The following RRP36 variants were observed in gnomAD, a reference collection of about 807,000 sequenced individuals.
The protein encoded by RRP36 is ribosomal RNA processing protein 36 homolog.
In RRP36, 44 loss-of-function variants were observed where a neutral mutation model predicts 39.8. The observed-to-expected ratio is 1.10, with a 90% CI of 0.87 to 1.42. RRP36 has a LOEUF of 1.42. RRP36 is among the 40% of genes most tolerant of loss of function. RRP36 has a pLI of 0.00. For synonymous variants in RRP36, 124 were observed against 123.1 expected (o/e 1.01, Z -0.05); for missense variants, 316 against 322.4 (o/e 0.98, Z 0.15).
In RRP36 at chr6:43,025,146, G is replaced by T. The variant is rs1373495664; in HGVS notation, c.278+14G>T. The T allele has an allele frequency of 2.5e-6, 4 of 1,613,704 alleles. No homozygotes were observed. The highest frequency in any genetic ancestry group is 3.4e-6 in the Non-Finnish European group (4 of 1,179,798). On this transcript the variant is annotated intron_variant, in intron 2 of 6. Transcript: ENST00000244496. ...AGATAAGCACAGGTAAGCAAGGCTT[G>T]CCCTAGAAGTTGGAAGATAACTGGG...
intron 3 of RRP36, 62 bp downstream of exon 3, chr6:43,025,391 G>A (rs1762794665): frequency 1.4e-6 from 2 of 1,468,362 alleles, no homozygotes; most frequent in Non-Finnish European, 1.9e-6. Context: ...GGGAGCCCGA[G>A]GTGGGCGATC....
rs747486612 is a variant in RRP36 at position 43,026,144 on chromosome 6, A to G, written c.450+3A>G. 1 of 1,607,654 alleles carries G rather than the reference A, an allele frequency of 6.2e-7. No individual in the cohort carries two copies. Among genetic ancestry groups the G allele is most frequent in the South Asian group, 1.1e-5 (1 of 90,944 alleles). On this transcript the variant is annotated splice_donor_region_variant and intron_variant, in intron 4 of 6. Coordinates refer to ENST00000244496, the MANE Select transcript of RRP36 (RefSeq NM_033112.4). ...ACATCCGAGCGAAAGAGAAAGAGGT[A>G]TACAGCTTGAGACTGGTTTATGGGG...
At chr6:43,022,378 G>A (rs1300845910) in intron 1 of RRP36, among the ~76,000 whole-genome samples, 2 of 151,968 alleles carry the variant, frequency 1.3e-5, no homozygotes, top group Non-Finnish European at 2.9e-5. Context: ...GATTCCAGGC[G>A]TGAGCCACTG....
Position 43,025,186 on chromosome 6 carries a change from T to C in RRP36, c.278+54T>C, listed in dbSNP as rs45492498. ...AGATAACTGGGACCTTGAATAGGTATGTTGTCTTGGGTGACAGGTGGGAAG... is the reference window on the plus strand; with the variant it reads ...AGATAACTGGGACCTTGAATAGGTACGTTGTCTTGGGTGACAGGTGGGAAG... On this transcript the variant is annotated intron_variant, in intron 2 of 6. Transcript: ENST00000244496. The C allele has an allele frequency of 9.7e-4, 1,564 of 1,612,896 alleles. 1 individual carries two copies. The highest frequency in any genetic ancestry group is 2.1e-3 in the Admixed American group (128 of 59,970).
At chr6:43,025,156 T>G in intron 2 of RRP36, 24 bp downstream of exon 2, 2 of 1,613,574 alleles carry the variant, frequency 1.2e-6, no homozygotes, top group Non-Finnish European at 1.7e-6. Flanking sequence ...GCCCTAGAAG[T>G]TGGAAGATAA....
chr6:43,027,486 G>A lies in RRP36; in HGVS notation c.643+9G>A, dbSNP rs200903503. The A allele has an allele frequency of 1.2e-6, 2 of 1,608,512 alleles. No homozygotes were observed. Among genetic ancestry groups the A allele is most frequent in the East Asian group, 2.2e-5 (1 of 44,844 alleles). ...ATACTTCCTGAAAAAATGTGAGTTG[G>A]GCACAACTGTTGCTAACAGGGACAG... On this transcript the variant is annotated intron_variant, in intron 6 of 6. Coordinates refer to ENST00000244496, the MANE Select transcript of RRP36 (RefSeq NM_033112.4).
intron 3 of RRP36, 88 bp from the exon 4 acceptor site, chr6:43,025,949 G>A (rs1274130858): frequency 3.1e-6 from 3 of 967,184 alleles, no homozygotes; most frequent in Non-Finnish European, 4.7e-6. Flanking sequence ...CAAAAAAAAA[G>A]AAAGATGAGG....
chr6:43,021,879 TC>T, intron 1 of RRP36, 95 bp downstream of exon 1: 1 of 965,896 alleles, frequency 1.0e-6, no homozygotes, highest in Non-Finnish European at 1.3e-6. Flanking sequence ...ACTGCCAAGT[TC>T]TCTAAGAGGC....
rs749210498 is a variant in RRP36 at position 43,025,055 on chromosome 6, A to G, written c.201A>G (p.Gln67=). 10 of 1,614,112 alleles carry G rather than the reference A, an allele frequency of 6.2e-6. No homozygotes were observed. Among genetic ancestry groups the G allele is most frequent in the African/African-American group, 4.0e-5 (3 of 74,940 alleles). The change falls in exon 2 of 7, where the codon CAA becomes CAG. Residue 67 remains glutamine, a synonymous_variant. Coordinates refer to ENST00000244496, the MANE Select transcript of RRP36 (RefSeq NM_033112.4). The part of the protein sequence containing the change: ...QSQVGTKTYK[Q]LVAGNSPKKQ... ...AAGTGGGGACTAAGACGTACAAACA[A>G]TTGGTAGCTGGAAATAGTCCTAAGA...
intron 6 of RRP36, among the ~76,000 whole-genome samples, chr6:43,028,581 G>C (rs1305142642): frequency 6.6e-6 from 1 of 151,674 alleles, no homozygotes; most frequent in Non-Finnish European, 1.5e-5. Flanking sequence ...CTGGGAGGCG[G>C]AGGTTGCAGT....
At position 43,021,658 on chromosome 6, in the gene RRP36, C is replaced by T. The variant is rs1214721926; in HGVS notation, c.4C>T (p.Pro2Ser). Residue 2 changes from proline (P) to serine (S), a missense_variant, in exon 1 of 7, where the codon CCG becomes TCG. Coordinates refer to ENST00000244496, the MANE Select transcript of RRP36 (RefSeq NM_033112.4). ...TTCCGAGCGCTACTGCCAGCTGATGCCGGGAGCTAACTACCGCGCCGGGGC... is the reference window on the plus strand; with the variant it reads ...TTCCGAGCGCTACTGCCAGCTGATGTCGGGAGCTAACTACCGCGCCGGGGC... M[P>S]GANYRAGAGA... The T allele has an allele frequency of 2.3e-6, 3 of 1,280,784 alleles. No individual in the cohort carries two copies. Among genetic ancestry groups the T allele is most frequent in the South Asian group, 3.2e-5 (1 of 31,112 alleles). 79.3% of individuals were successfully genotyped at this position (1,280,784 alleles called of 1,614,324 possible).
In RRP36 at chr6:43,026,058, G is replaced by C. The variant is rs773886777; in HGVS notation, c.367G>C (p.Asp123His). The C allele has an allele frequency of 6.2e-7, 1 of 1,613,546 alleles. No individual in the cohort carries two copies. Among genetic ancestry groups the C allele is most frequent in the Admixed American group, 1.7e-5 (1 of 60,004 alleles). ...SKKVARDPRFDDLSGEYNPEV... is the reference protein window; with the variant it reads ...SKKVARDPRFHDLSGEYNPEV... ...AAAGGTAGCCCGGGACCCTCGCTTT[G>C]ATGATCTGTCAGGGGAATATAATCC... The change falls in exon 4 of 7, where the codon GAT (aspartate) becomes CAT (histidine). Residue 123 changes from aspartate to histidine, a missense_variant. Physicochemically the swap from Asp to His is moderately conservative, Grantham distance 81. Coordinates refer to ENST00000244496, the MANE Select transcript of RRP36 (RefSeq NM_033112.4).
chr6:43,026,927 G>A lies in RRP36; in HGVS notation c.451-251G>A, dbSNP rs763573212. On this transcript the variant is annotated intron_variant, in intron 4 of 6. Transcript: ENST00000244496. ...AAATAAAAAAAAAAATTAGCCGGGCGTGGTGGCACGTGCCTGTAGTCCCAG... is the reference window on the plus strand; with the variant it reads ...AAATAAAAAAAAAAATTAGCCGGGCATGGTGGCACGTGCCTGTAGTCCCAG... Among the ~76,000 whole-genome samples the A allele has an allele frequency of 5.9e-5, 9 of 151,988 alleles. No homozygotes were observed. The Middle Eastern group carries it at 0.017, about 287-fold the overall frequency.
At position 43,024,039 on chromosome 6, in the gene RRP36, A is replaced by G. The variant is rs563254448; in HGVS notation, c.131-946A>G. Among the ~76,000 whole-genome samples, 10 of 152,068 alleles carry G rather than the reference A, an allele frequency of 6.6e-5. No individual in the cohort carries two copies. The South Asian group carries it at 2.1e-3, about 32-fold the overall frequency. ...GCCCAGCTAATTTTTGTATTTTTGT[A>G]GAGACGGTTTCACCATGTTGACCGG... is the stretch of plus-strand genomic sequence containing the variant. On this transcript the variant is annotated intron_variant, in intron 1 of 6. Coordinates refer to ENST00000244496, the MANE Select transcript of RRP36 (RefSeq NM_033112.4).
chr6:43,027,102 T>G (rs767459657), intron 4 of RRP36, 76 bp from the exon 5 acceptor site: 1 of 1,335,192 alleles, frequency 7.5e-7, no homozygotes, highest in East Asian at 2.3e-5. Context: ...GTGAACTTCT[T>G]AGGATAATGC....
At chr6:43,027,673 T>C (rs1762838917) in intron 6 of RRP36, among the ~76,000 whole-genome samples, 196 bp downstream of exon 6, 1 of 150,914 alleles carries the variant, frequency 6.6e-6, no homozygotes, top group Non-Finnish European at 1.5e-5. Flanking sequence ...TGGCAGGCAT[T>C]GTCACCTTTA....
chr6:43,027,287 C>T (rs1474289412), intron 5 of RRP36, 35 bp downstream of exon 5: 1 of 1,612,194 alleles, frequency 6.2e-7, no homozygotes, highest in Admixed American at 1.7e-5. Context: ...GTAATGAAAG[C>T]AATTAAAGGT....
intron 4 of RRP36, 121 bp from the exon 5 acceptor site, chr6:43,027,057 G>A (rs1762823881): frequency 2.5e-6 from 2 of 799,982 alleles, no homozygotes. Flanking sequence ...GAGCAAGACT[G>A]CATCTCAAAA....
Position 43,021,640 on chromosome 6 carries a change from C to T in RRP36, c.-15C>T. 1 of 1,284,484 alleles carries T rather than the reference C, an allele frequency of 7.8e-7. No individual in the cohort carries two copies. Among genetic ancestry groups the T allele is most frequent in the Non-Finnish European group, 9.9e-7 (1 of 1,014,698 alleles). The allele number at this position is 1,284,484 out of a possible 1,614,324, so 79.6% of individuals were successfully genotyped here. Reference sequence around the variant, plus strand: ...GAAGCGGCGCCATTCGTCTTCCGAGCGCTACTGCCAGCTGATGCCGGGAGC... The same window carrying T: ...GAAGCGGCGCCATTCGTCTTCCGAGTGCTACTGCCAGCTGATGCCGGGAGC... On this transcript the variant is annotated 5_prime_UTR_variant, in exon 1 of 7. Coordinates refer to ENST00000244496, the MANE Select transcript of RRP36 (RefSeq NM_033112.4).
Sources: gnomAD v4.1 joint callset for allele counts (sites outside exome capture counted in the v4.1 genomes callset) on GRCh38, gnomAD v4.1.1 for gene constraint, MANE v1.5 for transcripts, NCBI Gene and HGNC (gene_info 2026-07-23, HGNC 2026-07-21) for gene names.